GRB10: variants seen among roughly 807,000 people sequenced by gnomAD.
GRB10 encodes the protein growth factor receptor-bound protein 10.
GRB10 carries 20 observed loss-of-function variants against 80.9 expected under a neutral mutation model. The observed-to-expected ratio is 0.25, with a 90% CI of 0.17 to 0.36. GRB10 has a LOEUF of 0.36. GRB10 is among the 10% of genes least tolerant of loss of function. GRB10 has a pLI of 1.00. For missense variants in GRB10, 548 were observed against 747.7 expected (o/e 0.73, Z 3.12); for synonymous variants, 291 against 291.5 (o/e 1.00, Z 0.02).
intron 3 of GRB10, among the ~76,000 whole-genome samples, chr7:50,747,339 A>C (rs2073136384): frequency 6.6e-6 from 1 of 152,190 alleles, no homozygotes; most frequent in African/African-American, 2.4e-5. Flanking sequence ...CGTTCCCTCC[A>C]AATCCACAAA....
Position 50,595,540 on chromosome 7 carries a change from G to A in GRB10, c.1545-10C>T. 6.7e-7 allele frequency: 1 copy of A among 1,496,980 alleles called. No individual in the cohort carries two copies. The highest frequency in any genetic ancestry group is 1.7e-4 in the Middle Eastern group (1 of 5,756). 92.7% of individuals were successfully genotyped at this position (1,496,980 alleles called of 1,614,324 possible). On this transcript the variant is annotated splice_polypyrimidine_tract_variant and intron_variant, in intron 17 of 18. Transcript: ENST00000401949. ...ACGGAGGAGAAAAAGCCTGGGGAAG[G>A]GAAAATAGTTGATTGCTAAAATATT...
Position 50,754,668 on chromosome 7 carries a change from A to AT in GRB10, c.-47+1218dup, listed in dbSNP as rs2074766745. On this transcript the variant is annotated intron_variant, in intron 3 of 18. Coordinates refer to ENST00000401949, the MANE Select transcript of GRB10 (RefSeq NM_001350814.2). ...AACACAAAGCTAACATAAGGCAGAC[A>AT]TTTGGGAAAAGATAGCCCAGAAACT... 1.3e-5 allele frequency among the ~76,000 whole-genome samples: 2 copies of AT among 152,368 alleles called. 1 individual carries two copies. Among genetic ancestry groups the AT allele is most frequent in the South Asian group, 4.1e-4 (2 of 4,830 alleles).
intron 2 of GRB10, among the ~76,000 whole-genome samples, chr7:50,762,389 C>T (rs984354890): frequency 6.6e-5 from 10 of 151,644 alleles, no homozygotes; most frequent in Admixed American, 2.6e-4. Context: ...TGCACCACCT[C>T]CTTTAAAGGG....
intron 7 of GRB10, among the ~76,000 whole-genome samples, chr7:50,657,572 T>C (rs2058775093): frequency 6.6e-6 from 1 of 152,212 alleles, no homozygotes; most frequent in Non-Finnish European, 1.5e-5. Flanking sequence ...CAGGGTTCTA[T>C]AAATAGGGCT....
intron 14 of GRB10, among the ~76,000 whole-genome samples, chr7:50,605,995 C>A (rs2048452489): frequency 6.6e-6 from 1 of 152,132 alleles, no homozygotes; most frequent in Admixed American, 6.6e-5. Flanking sequence ...TCCCATGGGT[C>A]CCAAGGTTTA....
chr7:50,780,172 G>A (rs990969002), intron 2 of GRB10, among the ~76,000 whole-genome samples: 1 of 152,174 alleles, frequency 6.6e-6, no homozygotes, highest in Non-Finnish European at 1.5e-5. Flanking sequence ...TCATGGAAAG[G>A]GTTCCAGGGT....
intron 2 of GRB10, among the ~76,000 whole-genome samples, chr7:50,764,954 G>C (rs2076178367): frequency 6.6e-6 from 1 of 152,104 alleles, no homozygotes; most frequent in South Asian, 2.1e-4. Context: ...GAATGTATAA[G>C]GAGTTCAAAC....
chr7:50,709,832 C>A (rs781221286), intron 4 of GRB10, among the ~76,000 whole-genome samples: 2 of 151,974 alleles, frequency 1.3e-5, no homozygotes. Context: ...GCTCCCAGGC[C>A]CCAGCCAGAG....
intron 7 of GRB10, among the ~76,000 whole-genome samples, chr7:50,646,630 T>C (rs1563278284): frequency 2.6e-5 from 4 of 152,218 alleles, no homozygotes; most frequent in African/African-American, 9.7e-5. Flanking sequence ...ATCCTGTTTG[T>C]AGTGCTAGAT....
chr7:50,697,277 C>T (rs761429804), intron 5 of GRB10, among the ~76,000 whole-genome samples: 8 of 152,224 alleles, frequency 5.3e-5, no homozygotes, highest in East Asian at 1.9e-4. Context: ...CTTATACAAA[C>T]GACTAAAATG....
chr7:50,687,419 G>T (rs1380210652), intron 5 of GRB10, among the ~76,000 whole-genome samples: 1 of 152,190 alleles, frequency 6.6e-6, no homozygotes, highest in African/African-American at 2.4e-5. Flanking sequence ...CCTCTGCCTT[G>T]AATCCTGCCT....
intron 3 of GRB10, among the ~76,000 whole-genome samples, chr7:50,748,755 T>C (rs994576407): frequency 2.6e-5 from 4 of 151,892 alleles, no homozygotes; most frequent in African/African-American, 9.7e-5. Context: ...TAGGGACCAG[T>C]TGGGGTAAAG....
At chr7:50,656,557 C>G (rs546235029) in intron 7 of GRB10, among the ~76,000 whole-genome samples, 1 of 152,190 alleles carries the variant, frequency 6.6e-6, no homozygotes, top group South Asian at 2.1e-4. Context: ...GAAATAGCCA[C>G]GGAAAAGCCA....
intron 12 of GRB10, among the ~76,000 whole-genome samples, chr7:50,614,210 CTGTG>C (rs1480811679): frequency 1.3e-5 from 2 of 152,066 alleles, no homozygotes; most frequent in Admixed American, 6.5e-5. Context: ...ATGTCTATAC[CTGTG>C]TGTATGCACA....
chr7:50,786,216 A>T (rs2078688523), upstream of GRB10, among the ~76,000 whole-genome samples: 1 of 152,228 alleles, frequency 6.6e-6, no homozygotes, highest in African/African-American at 2.4e-5. Context: ...CAACAGACAC[A>T]GACTATTAGA....
chr7:50,634,849 GA>G (rs1486548103), intron 7 of GRB10, among the ~76,000 whole-genome samples: 1 of 152,176 alleles, frequency 6.6e-6, no homozygotes, highest in Non-Finnish European at 1.5e-5. Context: ...ATAAATTTTG[GA>G]AATACGTGTG....
intron 7 of GRB10, among the ~76,000 whole-genome samples, chr7:50,640,394 T>C (rs56037477): frequency 0.088 from 13,334 of 152,228 alleles, 888 homozygotes; most frequent in Non-Finnish European, 0.11. Context: ...AATCTTCAGA[T>C]GGGTGACATC....
In GRB10 at chr7:50,590,930, GGA is replaced by G. The variant is rs1274224842; in HGVS notation, c.*2020_*2021del. ...ATACTGCAAATACAAGCTGTCTATT[GGA>G]GAGAGGCGTGTGAGAGAGAGATTAT... is the stretch of plus-strand genomic sequence containing the variant. On this transcript the variant is annotated 3_prime_UTR_variant, in exon 19 of 19. Transcript: ENST00000401949. 1 of 152,208 alleles carries G rather than the reference GGA, an allele frequency of 6.6e-6. No homozygotes were observed. Among genetic ancestry groups the G allele is most frequent in the African/African-American group, 2.4e-5 (1 of 41,436 alleles). 9.4% of individuals were successfully genotyped at this position (152,208 alleles called of 1,614,324 possible). A position where few individuals can be genotyped will look rare whatever the true frequency, so the allele number is the denominator to read the frequency against.
At chr7:50,751,701 G>A (rs1562611288) in intron 3 of GRB10, among the ~76,000 whole-genome samples, 1 of 152,194 alleles carries the variant, frequency 6.6e-6, no homozygotes, top group Non-Finnish European at 1.5e-5. Flanking sequence ...GCAGTTTTCT[G>A]TGCTCAATGT....
Sources: gnomAD v4.1 joint callset for allele counts (sites outside exome capture counted in the v4.1 genomes callset) on GRCh38, gnomAD v4.1.1 for gene constraint, MANE v1.5 for transcripts, NCBI Gene and HGNC (gene_info 2026-07-23, HGNC 2026-07-21) for gene names.